RIC1: variants seen among roughly 807,000 people sequenced by gnomAD.
RIC1 encodes guanine nucleotide exchange factor subunit RIC1.
RIC1 carries 88 observed loss-of-function variants against 169.0 expected under a neutral mutation model. The ratio of observed to expected loss-of-function variants is 0.52; its 90% CI spans 0.44 to 0.62. The LOEUF is 0.62. Ranked by LOEUF, RIC1 falls within the 20% of genes least tolerant of loss-of-function variation. The probability of loss-of-function intolerance (pLI) is 0.00; values close to 1 mark genes in which losing one functional copy is unlikely to be tolerated. For synonymous variants in RIC1, 790 were observed against 601.5 expected, an observed-to-expected ratio of 1.31 and a Z score of -4.59; for missense variants, 1,877 against 1,725.5, an observed-to-expected ratio of 1.09 and a Z score of -1.56.
chr9:5,719,388 A>G (rs901780509), intron 4 of RIC1: 1 of 152,236 alleles, frequency 6.6e-6, no homozygotes, highest in Non-Finnish European at 1.5e-5. Context: ...ATAAATATTG[A>G]TAAGTGATGA....
Position 5,769,225 on chromosome 9 carries a change from T to C in RIC1, c.3393T>C (p.Ser1131=). The C allele has an allele frequency of 6.2e-7, 1 of 1,614,174 alleles. No homozygotes were observed. The highest frequency in any genetic ancestry group is 8.5e-7 in the Non-Finnish European group (1 of 1,179,992). Residue 1131 remains serine (S), a synonymous_variant, in exon 22 of 26, where the codon AGT becomes AGC. Transcript: ENST00000414202. ...PLPIIPASSI[S]SPFKNGKYRT... ...CAATCATCCCAGCCTCTTCTATCAG[T>C]TCTCCTTTCAAAAATGGAAAATACC...
At chr9:5,737,599 C>A (rs1027455112) in intron 7 of RIC1, among the ~76,000 whole-genome samples, 1 of 82,538 alleles carries the variant, frequency 1.2e-5, no homozygotes. Context: ...TACACACACA[C>A]ATGTTTTATA....
intron 1 of RIC1, among the ~76,000 whole-genome samples, chr9:5,650,504 A>G (rs1314744741): frequency 6.6e-6 from 1 of 151,852 alleles, no homozygotes; most frequent in Non-Finnish European, 1.5e-5. Context: ...TGGCCCTGCT[A>G]CTAGAGGGGA....
At chr9:5,682,576 G>C (rs368452054) in intron 2 of RIC1, among the ~76,000 whole-genome samples, 16 of 152,140 alleles carry the variant, frequency 1.1e-4, no homozygotes, top group African/African-American at 2.9e-4. Context: ...ACCTTTCTCT[G>C]TGGCTGCCCT....
chr9:5,752,224 T>C (rs1364878864), intron 12 of RIC1, among the ~76,000 whole-genome samples: 1 of 152,180 alleles, frequency 6.6e-6, no homozygotes, highest in Non-Finnish European at 1.5e-5. Flanking sequence ...GAACGCCTTT[T>C]CTTGCAGATA....
intron 6 of RIC1, among the ~76,000 whole-genome samples, chr9:5,725,394 G>A (rs537847904): frequency 3.0e-4 from 46 of 152,092 alleles, no homozygotes; most frequent in African/African-American, 8.4e-4. Context: ...CTGTGGGATC[G>A]GTGGTGATAT....
chr9:5,656,563 T>C lies in RIC1; in HGVS notation c.145-20T>C. 7.8e-7 allele frequency: 1 copy of C among 1,289,660 alleles called. No homozygotes were observed. The highest frequency in any genetic ancestry group is 2.3e-5 in the Admixed American group (1 of 42,754). The allele number at this position is 1,289,660 out of a possible 1,614,324, so 79.9% of individuals were successfully genotyped here. On this transcript the variant is annotated intron_variant, in intron 1 of 25. Coordinates refer to ENST00000414202, the MANE Select transcript of RIC1 (RefSeq NM_020829.4). ...GATATTGATAAAAAATACAACTTTT[T>C]TTTTTTTTTAATCACACAGCCTAGT... is the stretch of plus-strand genomic sequence containing the variant.
intron 1 of RIC1, among the ~76,000 whole-genome samples, chr9:5,642,975 A>G (rs539596537): frequency 3.3e-4 from 51 of 152,248 alleles, no homozygotes; most frequent in African/African-American, 6.5e-4. Flanking sequence ...ATTTTTATGA[A>G]TAGAAGATAT....
intron 14 of RIC1, among the ~76,000 whole-genome samples, chr9:5,754,529 G>C (rs955634477): frequency 1.3e-5 from 2 of 152,126 alleles, no homozygotes; most frequent in African/African-American, 4.8e-5. Flanking sequence ...GGGAGTCCAA[G>C]ACCAGCCTGG....
intron 2 of RIC1, among the ~76,000 whole-genome samples, chr9:5,677,384 CTTG>C (rs1275571856): frequency 6.6e-5 from 10 of 151,974 alleles, no homozygotes; most frequent in Non-Finnish European, 1.3e-4. Flanking sequence ...TCCTTGATTT[CTTG>C]TTGTTAAGTT....
chr9:5,695,888 G>A (rs1821872744), intron 3 of RIC1, among the ~76,000 whole-genome samples: 1 of 151,982 alleles, frequency 6.6e-6, no homozygotes, highest in Non-Finnish European at 1.5e-5. Flanking sequence ...TCTTCTTAAT[G>A]TCAGATTCAT....
At chr9:5,687,541 A>T (rs1246900868) in intron 2 of RIC1, among the ~76,000 whole-genome samples, 1 of 152,084 alleles carries the variant, frequency 6.6e-6, no homozygotes, top group African/African-American at 2.4e-5. Flanking sequence ...GGGATGATGT[A>T]TTTTTAAAAT....
intron 3 of RIC1, among the ~76,000 whole-genome samples, chr9:5,705,136 C>G (rs1822490867): frequency 6.7e-6 from 1 of 148,706 alleles, no homozygotes; most frequent in Non-Finnish European, 1.5e-5. Context: ...ATTATTTTGG[C>G]TCTTCGGGGT....
intron 17 of RIC1, among the ~76,000 whole-genome samples, chr9:5,761,496 T>C (rs1826338375): frequency 6.6e-6 from 1 of 152,188 alleles, no homozygotes; most frequent in African/African-American, 2.4e-5. Context: ...CTTGGAATTC[T>C]TAAGAATTTT....
At chr9:5,670,455 T>C (rs1586915131) in intron 2 of RIC1, among the ~76,000 whole-genome samples, 1 of 152,270 alleles carries the variant, frequency 6.6e-6, no homozygotes, top group East Asian at 1.9e-4. Context: ...TTTAAAAATA[T>C]AATTTTTTAT....
At chr9:5,641,179 C>T (rs1818221235) in intron 1 of RIC1, among the ~76,000 whole-genome samples, 1 of 151,506 alleles carries the variant, frequency 6.6e-6, no homozygotes, top group Admixed American at 6.6e-5. Flanking sequence ...GCAAGCTCTG[C>T]CTCCTGGGTT....
At chr9:5,698,096 A>C (rs1822009778) in intron 3 of RIC1, among the ~76,000 whole-genome samples, 1 of 152,152 alleles carries the variant, frequency 6.6e-6, no homozygotes. Context: ...CTATTAGGTT[A>C]TTTGCCACAT....
At chr9:5,704,589 A>T (rs556096929) in intron 3 of RIC1, among the ~76,000 whole-genome samples, 53 of 152,254 alleles carry the variant, frequency 3.5e-4, no homozygotes, top group African/African-American at 1.2e-3. Flanking sequence ...ACATCCTTTT[A>T]AGATACATGA....
chr9:5,704,109 G>A (rs1586981086), intron 3 of RIC1, among the ~76,000 whole-genome samples: 2 of 151,416 alleles, frequency 1.3e-5, no homozygotes, highest in Admixed American at 1.3e-4. Context: ...TGGTTTTGAT[G>A]TGTATTTCCC....
Sources: allele counts gnomAD v4.1 joint callset (sites outside exome capture counted in the v4.1 genomes callset), GRCh38; gene constraint gnomAD v4.1.1; transcripts MANE v1.5; gene names NCBI Gene and HGNC (gene_info 2026-07-23, HGNC 2026-07-21).